The following SF3A1 variants were observed in gnomAD, a reference collection of about 807,000 sequenced individuals.
SF3A1 encodes splicing factor 3a subunit 1.
In SF3A1, 13 loss-of-function variants were observed where a neutral mutation model predicts 89.9. That is an observed-to-expected ratio of 0.14 (90% CI 0.09 to 0.23). SF3A1 has a LOEUF of 0.23. Ranked by LOEUF, SF3A1 falls within the 10% of genes least tolerant of loss-of-function variation. The pLI, the probability that SF3A1 is intolerant of heterozygous loss-of-function variation, is 1.00. For missense variants in SF3A1, 604 were observed against 1,022.1 expected (o/e 0.59, Z 5.58); for synonymous variants, 405 against 374.4 (o/e 1.08, Z -0.94).
chr22:30,349,070 C>T (rs1011031866), intron 2 of SF3A1, among the ~76,000 whole-genome samples: 1 of 152,172 alleles, frequency 6.6e-6, no homozygotes, highest in Non-Finnish European at 1.5e-5. Context: ...AGGGTAATTT[C>T]CACTTCAGTT....
Position 30,340,759 on chromosome 22 carries a change from G to A in SF3A1, c.1125C>T (p.Pro375=), listed in dbSNP as rs1202662926. The A allele has an allele frequency of 6.2e-7, 1 of 1,602,244 alleles. No homozygotes were observed. Among genetic ancestry groups the A allele is most frequent in the Admixed American group, 1.8e-5 (1 of 56,870 alleles). ...GAGTTGGGGGCAGAGGTGGAGGCAT[G>A]GGTGTCTCTGGGGGTGGGGGCACTT... ...GQKVPPPPET[P]MPPPLPPTPD... is the part of the protein sequence containing the mutation. Residue 375 remains proline (P), a synonymous_variant, in exon 8 of 16, where the codon CCC becomes CCT. Transcript: ENST00000215793.
intron 2 of SF3A1, among the ~76,000 whole-genome samples, chr22:30,346,745 T>C (rs1185709841): frequency 6.6e-6 from 1 of 152,154 alleles, no homozygotes; most frequent in Non-Finnish European, 1.5e-5. Flanking sequence ...AACCCAGTCA[T>C]TCCTTAGCTC....
At chr22:30,352,041 C>T (rs557183170) in intron 2 of SF3A1, among the ~76,000 whole-genome samples, 17 of 152,028 alleles carry the variant, frequency 1.1e-4, no homozygotes, top group African/African-American at 2.7e-4. Context: ...TCTGAGGTGG[C>T]GGCTAGCACC....
intron 5 of SF3A1, chr22:30,342,551 G>A (rs1474586613): frequency 3.1e-6 from 2 of 651,646 alleles, no homozygotes; most frequent in South Asian, 3.9e-5. Context: ...TGATCTGCTT[G>A]GGAGCTGGCC....
Position 30,337,172 on chromosome 22 carries a change from GCA to G in SF3A1, c.1958_1959del (p.Val653AlafsTer26). The G allele has an allele frequency of 6.2e-7, 1 of 1,609,910 alleles. No homozygotes were observed. Among genetic ancestry groups the G allele is most frequent in the Non-Finnish European group, 8.5e-7 (1 of 1,177,990 alleles). On this transcript the variant is annotated frameshift_variant, in exon 13 of 16. Coordinates refer to ENST00000215793, the MANE Select transcript of SF3A1 (RefSeq NM_005877.6). LOFTEE classifies it high-confidence loss of function. ...GGGACAGGTGCCACAGGTGGAGCAGGCACAAAGGCTGCAAAGACAAGAATAAG... is the reference window on the plus strand; with the variant it reads ...GGGACAGGTGCCACAGGTGGAGCAGGCAAAGGCTGCAAAGACAAGAATAAG... ...PPPMIVPTAFVPAPPVAPVPA... is the reference protein window; with the variant it reads ...PPPMIVPTAFXPAPPVAPVPA...
In SF3A1 at chr22:30,340,730, T is replaced by C; in HGVS notation, c.1154A>G (p.Asp385Gly). Reference protein sequence around the residue: ...PMPPPLPPTPDQVIVRKDYDP... With the variant: ...PMPPPLPPTPGQVIVRKDYDP... The stretch of plus-strand genomic sequence containing the variant: ...ATAATCCTTGCGGACAATGACTTGG[T>C]CTGGAGTTGGGGGCAGAGGTGGAGG... Residue 385 changes from aspartate (D) to glycine (G), a missense_variant, in exon 8 of 16, where the codon GAC becomes GGC. Physicochemically the swap from Asp to Gly is moderately conservative, Grantham distance 94. Transcript: ENST00000215793. The C allele has an allele frequency of 1.2e-6, 2 of 1,607,956 alleles. No individual in the cohort carries two copies. Among genetic ancestry groups the C allele is most frequent in the South Asian group, 1.1e-5 (1 of 90,702 alleles).
At chr22:30,340,494 G>A (rs1297602043) in intron 8 of SF3A1, 113 bp from the exon 9 acceptor site, 6 of 1,125,542 alleles carry the variant, frequency 5.3e-6, no homozygotes, top group East Asian at 2.4e-5. Context: ...TGCCACTCTT[G>A]TACCTGGCAC....
At chr22:30,354,421 C>G (rs922201581) in intron 1 of SF3A1, among the ~76,000 whole-genome samples, 2 of 152,196 alleles carry the variant, frequency 1.3e-5, no homozygotes, top group Non-Finnish European at 2.9e-5. Context: ...AGGCCCCATT[C>G]TTGCCTGTCT....
chr22:30,341,824 G>A lies in SF3A1; in HGVS notation c.939C>T (p.Arg313=). 6.2e-7 allele frequency: 1 copy of A among 1,614,062 alleles called. No homozygotes were observed. Among genetic ancestry groups the A allele is most frequent in the Non-Finnish European group, 8.5e-7 (1 of 1,180,030 alleles). ...ELGARILIQE[R]YEKFGESEEV... is the part of the protein sequence containing the mutation. ...CCTCACTCTCCCCAAACTTTTCATA[G>A]CGCTCCTGAATGAGGATTCGGGCCC... The change falls in exon 7 of 16, where the codon CGC becomes CGT. Residue 313 remains arginine (R), a synonymous_variant. Coordinates refer to ENST00000215793, the MANE Select transcript of SF3A1 (RefSeq NM_005877.6).
intron 2 of SF3A1, among the ~76,000 whole-genome samples, chr22:30,348,370 C>T (rs990625454): frequency 6.6e-6 from 1 of 152,178 alleles, no homozygotes; most frequent in African/African-American, 2.4e-5. Flanking sequence ...GAGCCCGGCA[C>T]AGTGGCGCAC....
Position 30,339,309 on chromosome 22 carries a change from G to A in SF3A1, c.1376-58C>T. The A allele has an allele frequency of 1.9e-6, 3 of 1,602,204 alleles. No individual in the cohort carries two copies. In the South Asian group the frequency reaches 3.3e-5, roughly 18 times the overall value. ...AAAGAGAAAATAAACCAGGTGTCCT[G>A]ACAAGAGAGCAGCTTTTCTGGTGTG... is the stretch of plus-strand genomic sequence containing the variant. On this transcript the variant is annotated intron_variant, in intron 9 of 15. Transcript: ENST00000215793.
chr22:30,337,490 A>G (rs148469856), intron 12 of SF3A1, among the ~76,000 whole-genome samples, 200 bp downstream of exon 12: 15 of 152,224 alleles, frequency 9.9e-5, no homozygotes, highest in African/African-American at 3.6e-4. Context: ...TGGCTACACC[A>G]TTTCAGCCTC....
chr22:30,337,040 G>C lies in SF3A1; in HGVS notation c.2092C>G (p.Leu698Val), dbSNP rs1429613302. 1 of 1,614,174 alleles carries C rather than the reference G, an allele frequency of 6.2e-7. No individual in the cohort carries two copies. The highest frequency in any genetic ancestry group is 8.5e-7 in the Non-Finnish European group (1 of 1,180,028). Reference sequence around the variant, plus strand: ...GGATTACATACCTTGTTTCTGCGCAGGAACTCCTCCTCTGGCATGAGGCTG... The same window carrying C: ...GGATTACATACCTTGTTTCTGCGCACGAACTCCTCCTCTGGCATGAGGCTG... ...EDSLMPEEEF[L>V]RRNKGPVSIK... The change falls in exon 13 of 16, where the codon CTG becomes GTG. Residue 698 changes from leucine (L) to valine (V), a missense_variant. Leu to Val is a conservative substitution (Grantham distance 32). Transcript: ENST00000215793.
intron 13 of SF3A1, among the ~76,000 whole-genome samples, chr22:30,336,458 G>A (rs1228691168): frequency 1.3e-5 from 2 of 152,216 alleles, no homozygotes; most frequent in Non-Finnish European, 2.9e-5. Flanking sequence ...CCGGGAGGCA[G>A]AGGTTGCAAA....
At chr22:30,337,312 G>A in intron 12 of SF3A1, 132 bp from the exon 13 acceptor site, 1 of 883,490 alleles carries the variant, frequency 1.1e-6, no homozygotes, top group Non-Finnish European at 1.7e-6. Context: ...TCCCTGCTAA[G>A]TCTGGCAGCC....
Position 30,337,148 on chromosome 22 carries a change from G to A in SF3A1, c.1984C>T (p.Pro662Ser), listed in dbSNP as rs1227630009. 1 of 1,613,486 alleles carries A rather than the reference G, an allele frequency of 6.2e-7. No individual in the cohort carries two copies. Among genetic ancestry groups the A allele is most frequent in the Non-Finnish European group, 8.5e-7 (1 of 1,179,676 alleles). The change falls in exon 13 of 16, where the codon CCA (proline) becomes TCA (serine). Residue 662 changes from proline (P) to serine (S), a missense_variant. By Grantham distance (74) the Pro-to-Ser change is moderately conservative (BLOSUM62 -1). This residue lies in a region of SF3A1 where 45 missense variants were observed against 41.1 expected (regional missense o/e 1.09). Transcript: ENST00000215793. ...ACAGGGGGCATTGGGGCTGGAGCTG[G>A]GACAGGTGCCACAGGTGGAGCAGGC... ...FVPAPPVAPV[P>S]APAPMPPVHP...
intron 1 of SF3A1, among the ~76,000 whole-genome samples, chr22:30,355,821 C>CCCG (rs1931794255): frequency 9.0e-6 from 1 of 111,284 alleles, no homozygotes; most frequent in Non-Finnish European, 1.8e-5. Flanking sequence ...ATGTTCCCCC[C>CCCG]CCCCGCCCCC....
intron 1 of SF3A1, among the ~76,000 whole-genome samples, chr22:30,355,549 G>A (rs1931767125): frequency 6.6e-6 from 1 of 152,096 alleles, no homozygotes; most frequent in East Asian, 1.9e-4. Context: ...TCACTATTTG[G>A]CTTAAAACAC....
intron 9 of SF3A1, 112 bp from the exon 10 acceptor site, chr22:30,339,363 G>A: frequency 7.7e-7 from 1 of 1,305,898 alleles, no homozygotes; most frequent in Non-Finnish European, 1.1e-6. Context: ...CATGGGATGA[G>A]GGTGACTCAG....
Sources: allele counts gnomAD v4.1 joint callset (sites outside exome capture counted in the v4.1 genomes callset), GRCh38; gene constraint gnomAD v4.1.1; regional missense constraint gnomAD v4.1.1; transcripts MANE v1.5; gene names NCBI Gene and HGNC (gene_info 2026-07-23, HGNC 2026-07-21).